NAP1L1: variants seen among roughly 807,000 people sequenced by gnomAD.
The protein encoded by NAP1L1 is nucleosome assembly protein 1 like 1, also known as nucleosome assembly protein 1-like 1.
Under a neutral mutation model 58.9 loss-of-function variants are expected in NAP1L1, and 9 were observed. That is an observed-to-expected ratio of 0.15 (90% CI 0.09 to 0.27). The LOEUF (loss-of-function observed/expected upper bound fraction) is 0.27, where lower values mean the gene tolerates loss of function less well. Among genes scored for constraint, NAP1L1 ranks in the 10% least tolerant of loss-of-function variants. The pLI is 1.00. For missense variants in NAP1L1, 302 were observed against 458.8 expected, an observed-to-expected ratio of 0.66 and a Z score of 3.12; for synonymous variants, 130 against 138.3, an observed-to-expected ratio of 0.94 and a Z score of 0.42.
In NAP1L1 at chr12:76,040,336, A is replaced by T. The variant is rs776871976; in HGVS notation, c.*8093T>A. The T allele has an allele frequency of 7.2e-5, 11 of 152,072 alleles. No individual in the cohort carries two copies. Among genetic ancestry groups the T allele is most frequent in the Non-Finnish European group, 5.9e-5 (4 of 68,020 alleles). The allele number at this position is 152,072 out of a possible 1,614,324, so 9.4% of individuals were successfully genotyped here. ...CTTCCCTTGACTTTAAAAAACAACT[A>T]AGTTGACTCTTGAATATCAAATTTG... On this transcript the variant is annotated 3_prime_UTR_variant, in exon 15 of 15. Coordinates refer to ENST00000618691, the MANE Select transcript of NAP1L1 (RefSeq NM_004537.7).
At position 76,053,774 on chromosome 12, in the gene NAP1L1, T is replaced by C. The variant is rs769436819; in HGVS notation, c.766A>G (p.Thr256Ala). 4 of 1,608,926 alleles carry C rather than the reference T, an allele frequency of 2.5e-6. No individual in the cohort carries two copies. Among genetic ancestry groups the C allele is most frequent in the South Asian group, 1.1e-5 (1 of 90,042 alleles). Residue 256 changes from threonine (T) to alanine (A), a missense_variant, in exon 9 of 15, where the codon ACA becomes GCA. By Grantham distance (58) the Thr-to-Ala change is moderately conservative (BLOSUM62 0). Transcript: ENST00000618691. ...SFDGPEIMGC[T>A]GCQIDWKKGK... ...AGGTAGTAAAATTAAACTCACCCTG[T>C]ACAACCCATAATTTCTGGTCCATCA... is the stretch of plus-strand genomic sequence containing the variant.
intron 4 of NAP1L1, 77 bp from the exon 5 acceptor site, chr12:76,060,356 G>C: frequency 7.0e-7 from 1 of 1,436,244 alleles, no homozygotes; most frequent in Non-Finnish European, 9.5e-7. Flanking sequence ...TGAAACTGAA[G>C]CATTGGAGTT....
At position 76,052,712 on chromosome 12, in the gene NAP1L1, T is replaced by C. The variant is rs568287521; in HGVS notation, c.936+379A>G. 1.6e-4 allele frequency among the ~76,000 whole-genome samples: 24 copies of C among 152,344 alleles called. No individual in the cohort carries two copies. The South Asian group carries it at 4.8e-3, about 30-fold the overall frequency. ...TATGTGAACATACTTAGTCACAATA[T>C]GAAACCATATTTACATTGGAGTAAC... On this transcript the variant is annotated intron_variant, in intron 11 of 14. Coordinates refer to ENST00000618691, the MANE Select transcript of NAP1L1 (RefSeq NM_004537.7).
intron 1 of NAP1L1, 133 bp from the exon 2 acceptor site, chr12:76,074,372 C>A: frequency 7.5e-7 from 1 of 1,337,532 alleles, no homozygotes; most frequent in Non-Finnish European, 9.6e-7. Flanking sequence ...AAAATACTAT[C>A]AGTGTTAAGA....
intron 1 of NAP1L1, among the ~76,000 whole-genome samples, chr12:76,080,737 T>C (rs540288511): frequency 1.3e-5 from 2 of 152,182 alleles, no homozygotes; most frequent in Non-Finnish European, 2.9e-5. Flanking sequence ...CATGCTGCTA[T>C]GGTTTGAGTA....
In NAP1L1 at chr12:76,047,228, G is replaced by C. The variant is rs1319749956; in HGVS notation, c.*1201C>G. 1 of 152,476 alleles carries C rather than the reference G, an allele frequency of 6.6e-6. No individual in the cohort carries two copies. The highest frequency in any genetic ancestry group is 2.4e-5 in the African/African-American group (1 of 41,432). 9.4% of individuals were successfully genotyped at this position (152,476 alleles called of 1,614,324 possible). A position where few individuals can be genotyped will look rare whatever the true frequency, so the allele number is the denominator to read the frequency against. Reference sequence around the variant, plus strand: ...TATGCCTTAACACATCCATGAGGTAGTTAGGTAAACAGTACTACCCATTTT... The same window carrying C: ...TATGCCTTAACACATCCATGAGGTACTTAGGTAAACAGTACTACCCATTTT... On this transcript the variant is annotated 3_prime_UTR_variant, in exon 15 of 15. Transcript: ENST00000618691.
intron 1 of NAP1L1, among the ~76,000 whole-genome samples, chr12:76,077,691 A>G (rs541763371): frequency 2.7e-4 from 41 of 152,264 alleles, no homozygotes; most frequent in African/African-American, 4.8e-4. Context: ...AATTCTACCA[A>G]TGAAAAATAT....
chr12:76,068,095 T>G lies in NAP1L1; in HGVS notation c.104-622A>C, dbSNP rs184980006. Among the ~76,000 whole-genome samples the G allele has an allele frequency of 3.9e-4, 59 of 152,308 alleles. No individual in the cohort carries two copies. The East Asian group carries it at 0.011, about 28-fold the overall frequency. On this transcript the variant is annotated intron_variant, in intron 3 of 14. Coordinates refer to ENST00000618691, the MANE Select transcript of NAP1L1 (RefSeq NM_004537.7). ...AAAACAAATTACAGTACTAACCTTC[T>G]CTTCATCATCAATACAGTTATTACA...
chr12:76,067,322 T>C (rs1267367267), intron 4 of NAP1L1, 49 bp downstream of exon 4: 1 of 1,399,444 alleles, frequency 7.1e-7, no homozygotes, highest in South Asian at 1.2e-5. Context: ...TAGATACGCC[T>C]GCAACGTTGA....
intron 4 of NAP1L1, among the ~76,000 whole-genome samples, chr12:76,062,044 C>T (rs1437766963): frequency 6.6e-6 from 1 of 152,142 alleles, no homozygotes; most frequent in African/African-American, 2.4e-5. Flanking sequence ...CAGCAGGTAG[C>T]AGTGCGGACA....
rs567825464 is a variant in NAP1L1 at position 76,067,259 on chromosome 12, A to C, written c.206+112T>G. On this transcript the variant is annotated intron_variant, in intron 4 of 14. Coordinates refer to ENST00000618691, the MANE Select transcript of NAP1L1 (RefSeq NM_004537.7). ...TCTAATAATCCTATACTGGATACTA[A>C]CAGACAATAGGTTTCCACTATTGCA... The C allele has an allele frequency of 1.7e-5, 13 of 784,416 alleles. No homozygotes were observed. In the African/African-American group the frequency reaches 1.7e-4, roughly 10 times the overall value. The allele number at this position is 784,416 out of a possible 1,614,324, so 48.6% of individuals were successfully genotyped here. A position where few individuals can be genotyped will look rare whatever the true frequency, so the allele number is the denominator to read the frequency against.
intron 2 of NAP1L1, among the ~76,000 whole-genome samples, chr12:76,072,802 C>G (rs1389469631): frequency 6.6e-6 from 1 of 152,044 alleles, no homozygotes; most frequent in Non-Finnish European, 1.5e-5. Context: ...GAAAAATGAT[C>G]CCATCTTACT....
At chr12:76,063,710 T>A (rs536541245) in intron 4 of NAP1L1, among the ~76,000 whole-genome samples, 2 of 151,680 alleles carry the variant, frequency 1.3e-5, no homozygotes, top group Non-Finnish European at 2.9e-5. Flanking sequence ...GGCAGGAGAA[T>A]CACTTGAGCC....
intron 3 of NAP1L1, among the ~76,000 whole-genome samples, chr12:76,068,152 C>T (rs570364896): frequency 6.6e-6 from 1 of 152,182 alleles, no homozygotes; most frequent in South Asian, 2.1e-4. Flanking sequence ...TTCCCAATTA[C>T]TTTTTTTGAG....
At position 76,068,986 on chromosome 12, in the gene NAP1L1, T is replaced by C; in HGVS notation, c.26A>G (p.Gln9Arg). 6.2e-7 allele frequency: 1 copy of C among 1,610,650 alleles called. No homozygotes were observed. Among genetic ancestry groups the C allele is most frequent in the Non-Finnish European group, 8.5e-7 (1 of 1,177,964 alleles). ...ATCCAAATCTTGATCAAGTTCAGAC[T>C]GTTCTTTGCTATAATATCATAGTAT... MADIDNKE[Q>R]SELDQDLDDV... is the part of the protein sequence containing the mutation. The change falls in exon 3 of 15, where the codon CAG becomes CGG. Residue 9 changes from glutamine to arginine, a missense_variant. Coordinates refer to ENST00000618691, the MANE Select transcript of NAP1L1 (RefSeq NM_004537.7).
chr12:76,053,044 T>C (rs1457993406), intron 11 of NAP1L1, 47 bp downstream of exon 11: 2 of 1,552,304 alleles, frequency 1.3e-6, no homozygotes, highest in East Asian at 2.3e-5. Flanking sequence ...GTGCTTTAAT[T>C]TCAAATATAC....
chr12:76,070,433 T>C (rs1949901596), intron 2 of NAP1L1, among the ~76,000 whole-genome samples: 1 of 152,174 alleles, frequency 6.6e-6, no homozygotes. Flanking sequence ...TTTGATTTAG[T>C]ATAAACTTTA....
rs569547790 is a variant in NAP1L1 at position 76,041,895 on chromosome 12, A to G, written c.*6534T>C. 1 of 152,286 alleles carries G rather than the reference A, an allele frequency of 6.6e-6. No individual in the cohort carries two copies. The highest frequency in any genetic ancestry group is 1.9e-4 in the East Asian group (1 of 5,188). The allele number at this position is 152,286 out of a possible 1,614,324, so 9.4% of individuals were successfully genotyped here. A position where few individuals can be genotyped will look rare whatever the true frequency, so the allele number is the denominator to read the frequency against. On this transcript the variant is annotated 3_prime_UTR_variant, in exon 15 of 15. Coordinates refer to ENST00000618691, the MANE Select transcript of NAP1L1 (RefSeq NM_004537.7). ...GGTATTCTGAAGCATGAGAAATCCAAATATATAGCGATACCTCATTTCGTT... is the reference window on the plus strand; with the variant it reads ...GGTATTCTGAAGCATGAGAAATCCAGATATATAGCGATACCTCATTTCGTT...
At chr12:76,076,034 A>G (rs868342777) in intron 1 of NAP1L1, among the ~76,000 whole-genome samples, 3 of 152,248 alleles carry the variant, frequency 2.0e-5, no homozygotes, top group African/African-American at 7.2e-5. Context: ...AAATATGTCC[A>G]TCTCCAGATT....
Sources: gnomAD v4.1 joint callset for allele counts (sites outside exome capture counted in the v4.1 genomes callset) on GRCh38, gnomAD v4.1.1 for gene constraint, MANE v1.5 for transcripts, NCBI Gene and HGNC (gene_info 2026-07-23, HGNC 2026-07-21) for gene names.